Variants in GLMN observed in about 807,000 individuals in gnomAD.
GLMN encodes the protein glomulin.
GLMN carries 75 observed loss-of-function variants against 87.8 expected under a neutral mutation model. The observed-to-expected ratio is 0.85, with a 90% CI of 0.71 to 1.04. The LOEUF is 1.04. GLMN is among the 50% of genes least tolerant of loss of function. The pLI is 0.00. For synonymous variants in GLMN, 206 were observed against 221.6 expected, an observed-to-expected ratio of 0.93 and a Z score of 0.63; for missense variants, 588 against 658.8, an observed-to-expected ratio of 0.89 and a Z score of 1.18.
chr1:92,261,684 T>G (rs1655059827), intron 16 of GLMN, among the ~76,000 whole-genome samples: 1 of 152,210 alleles, frequency 6.6e-6, no homozygotes, highest in Non-Finnish European at 1.5e-5. Context: ...ATTTGAACAT[T>G]TCATTATGTA....
chr1:92,246,771 C>T, intron 18 of GLMN, 125 bp from the exon 19 acceptor site: 1 of 718,424 alleles, frequency 1.4e-6, no homozygotes. Flanking sequence ...TGGTTTGCAC[C>T]TGTAATTCCT....
the GLMN span, among the ~76,000 whole-genome samples, chr1:92,357,987 C>T: frequency 6.6e-6 from 1 of 152,246 alleles, no homozygotes; most frequent in South Asian, 2.1e-4. Context: ...GGTGCAGTGG[C>T]GTGATCATAG....
the GLMN span, among the ~76,000 whole-genome samples, chr1:92,340,783 A>T: frequency 1.3e-5 from 2 of 152,134 alleles, no homozygotes; most frequent in Non-Finnish European, 2.9e-5. Flanking sequence ...TGCATTACAA[A>T]TCTGCTATCT....
chr1:92,298,597 A>G (rs1650448271), intron 1 of GLMN, among the ~76,000 whole-genome samples: 5 of 152,174 alleles, frequency 3.3e-5, no homozygotes, highest in Admixed American at 3.3e-4. Flanking sequence ...CAATCCAGCT[A>G]GTGAAATCAC....
the GLMN span, among the ~76,000 whole-genome samples, chr1:92,335,624 A>T: frequency 6.6e-6 from 1 of 152,184 alleles, no homozygotes; most frequent in Admixed American, 6.5e-5. Context: ...ATGGTATTAT[A>T]TAATACATGT....
At chr1:92,322,881 ATATT>A in the GLMN span, among the ~76,000 whole-genome samples, 5 of 148,228 alleles carry the variant, frequency 3.4e-5, no homozygotes, top group African/African-American at 7.4e-5. Context: ...TTAAAAATAT[ATATT>A]TATTTTTATA....
chr1:92,253,367 G>GCCAGCTCTGAA (rs1001743032), intron 16 of GLMN, among the ~76,000 whole-genome samples: 37 of 152,296 alleles, frequency 2.4e-4, no homozygotes, highest in African/African-American at 8.9e-4. Context: ...ATTCCTGCCT[G>GCCAGCTCTGAA]CCAGCTCTGA....
intron 16 of GLMN, among the ~76,000 whole-genome samples, chr1:92,258,873 A>G (rs12411162): frequency 0.25 from 38,564 of 152,062 alleles, 6,324 homozygotes; most frequent in Non-Finnish European, 0.35. Context: ...CGTTCTGCAC[A>G]TGTATCCCAG....
the GLMN span, among the ~76,000 whole-genome samples, chr1:92,337,122 T>A: frequency 2.0e-5 from 3 of 152,074 alleles, no homozygotes; most frequent in African/African-American, 7.2e-5. Flanking sequence ...AAATTAACAT[T>A]TGCCTGTGGC....
intron 7 of GLMN, 65 bp downstream of exon 7, chr1:92,286,425 T>G (rs1648755254): frequency 2.5e-6 from 2 of 797,966 alleles, no homozygotes; most frequent in Non-Finnish European, 4.5e-6. Flanking sequence ...AATTTACATG[T>G]GCAGTACTGA....
chr1:92,259,728 C>CTTTTTT (rs1654757103), intron 16 of GLMN, among the ~76,000 whole-genome samples: 1 of 111,178 alleles, frequency 9.0e-6, no homozygotes, highest in African/African-American at 3.6e-5. Flanking sequence ...TCTTTTTTTT[C>CTTTTTT]TTTCTTTTTT....
At chr1:92,311,039 C>T in the GLMN span, among the ~76,000 whole-genome samples, 6 of 152,138 alleles carry the variant, frequency 3.9e-5, no homozygotes, top group Admixed American at 3.9e-4. Flanking sequence ...CAATATTATT[C>T]TTACTACATG....
intron 4 of GLMN, 56 bp from the exon 5 acceptor site, chr1:92,290,362 T>G (rs111452954): frequency 2.9e-6 from 3 of 1,017,114 alleles, no homozygotes; most frequent in Non-Finnish European, 4.7e-6. Context: ...TAAAGCCACA[T>G]TATTACTATT....
chr1:92,262,833 TCA>T, intron 16 of GLMN, 28 bp downstream of exon 16: 2 of 889,046 alleles, frequency 2.2e-6, no homozygotes, highest in South Asian at 1.3e-5. Context: ...TTGAATATAC[TCA>T]CAGTTTCTTT....
At chr1:92,336,292 A>G in the GLMN span, 2 of 1,283,726 alleles carry the variant, frequency 1.6e-6, no homozygotes, top group Admixed American at 1.8e-5. Flanking sequence ...GCATGACCCA[A>G]AAAAAGTTTC....
chr1:92,258,733 T>C (rs1459793010), intron 16 of GLMN, among the ~76,000 whole-genome samples: 1 of 152,016 alleles, frequency 6.6e-6, no homozygotes, highest in East Asian at 1.9e-4. Flanking sequence ...ATGGGGAACA[T>C]CACACACCGG....
At chr1:92,259,549 T>C (rs1030829592) in intron 16 of GLMN, among the ~76,000 whole-genome samples, 4 of 152,088 alleles carry the variant, frequency 2.6e-5, no homozygotes, top group African/African-American at 4.8e-5. Flanking sequence ...TGTATTTGAA[T>C]GTGATTCTCT....
chr1:92,324,162 A>C, the GLMN span: 2 of 1,614,176 alleles, frequency 1.2e-6, no homozygotes, highest in East Asian at 4.5e-5. Context: ...ACATAATCTC[A>C]GATCCAGATA....
intron 7 of GLMN, among the ~76,000 whole-genome samples, chr1:92,272,636 A>T (rs993887477): frequency 2.0e-5 from 3 of 152,210 alleles, no homozygotes; most frequent in Non-Finnish European, 4.4e-5. Context: ...TTGTGCCTGT[A>T]GAGAGTGGGA....
Sources: allele counts gnomAD v4.1 joint callset (sites outside exome capture counted in the v4.1 genomes callset), GRCh38; gene constraint gnomAD v4.1.1; transcripts MANE v1.5; gene names NCBI Gene and HGNC (gene_info 2026-07-23, HGNC 2026-07-21).